Variants in RNF213 observed in about 807,000 individuals in gnomAD.
RNF213 encodes the protein E3 ubiquitin-protein ligase RNF213.
A neutral mutation model predicts 514.4 loss-of-function variants in RNF213; 341 were observed. That is an observed-to-expected ratio of 0.66 (90% CI 0.61 to 0.73). RNF213 has a LOEUF of 0.73. Ranked by LOEUF, RNF213 falls within the 30% of genes least tolerant of loss-of-function variation. The probability of loss-of-function intolerance (pLI) is 0.00; values close to 1 mark genes in which losing one functional copy is unlikely to be tolerated. For missense variants in RNF213, 5,767 were observed against 6,615.6 expected (o/e 0.87, Z 4.45); for synonymous variants, 2,655 against 2,658.2 (o/e 1.00, Z 0.04).
At chr17:80,384,276 G>A (rs1804070483) in intron 59 of RNF213, among the ~76,000 whole-genome samples, 1 of 152,168 alleles carries the variant, frequency 6.6e-6, no homozygotes, top group Admixed American at 6.5e-5. Flanking sequence ...CACAATGCTG[G>A]AGCATGGGCA....
intron 15 of RNF213, among the ~76,000 whole-genome samples, chr17:80,313,675 TGGAGG>T (rs2045667435): frequency 1.4e-5 from 2 of 145,498 alleles, no homozygotes; most frequent in African/African-American, 5.1e-5. Context: ...GTGGAGGTAA[TGGAGG>T]TGATGGTGGT....
chr17:80,359,912 A>G, intron 37 of RNF213, 149 bp from the exon 38 acceptor site: 1 of 743,860 alleles, frequency 1.3e-6, no homozygotes, highest in East Asian at 2.7e-5. Context: ...GAAACCCTGT[A>G]CTGTGAAACA....
chr17:80,352,505 C>T (rs2144215525), intron 32 of RNF213: 1 of 518,738 alleles, frequency 1.9e-6, no homozygotes, highest in South Asian at 3.2e-5. Context: ...AAGGAATGGT[C>T]ACCAGCTATT....
In RNF213 at chr17:80,372,619, C is replaced by G. The variant is rs1185789283; in HGVS notation, c.12636C>G (p.Ser4212Arg). The change falls in exon 48 of 68, where the codon AGC (serine) becomes AGG (arginine). Residue 4212 changes from serine (S) to arginine (R), a missense_variant. Around this residue, in one of 13 missense-constraint regions of RNF213, gnomAD observed 1,245 missense variants for 1,339.0 expected, o/e 0.93. Transcript: ENST00000582970. ...TCCTTAAGGCATATTCTCCAGCAAG[C>G]CGGGGCCGAGAGCCTGCCAACGAGG... ...GRFLKAYSPASRGREPANEAS... is the reference protein window; with the variant it reads ...GRFLKAYSPARRGREPANEAS... 2 of 1,614,060 alleles carry G rather than the reference C, an allele frequency of 1.2e-6. No individual in the cohort carries two copies.
intron 38 of RNF213, 54 bp from the exon 39 acceptor site, chr17:80,361,680 G>T: frequency 6.2e-7 from 1 of 1,604,456 alleles, no homozygotes; most frequent in Non-Finnish European, 8.5e-7. Flanking sequence ...TGGAGGCAGG[G>T]GAGCGCCATG....
intron 23 of RNF213, chr17:80,336,785 T>A: frequency 2.9e-6 from 1 of 342,458 alleles, no homozygotes; most frequent in South Asian, 2.3e-5. Flanking sequence ...GCGCCTGTAA[T>A]CCCAGCTACT....
At chr17:80,342,608 G>A (rs2078186346) in intron 26 of RNF213, among the ~76,000 whole-genome samples, 1 of 139,952 alleles carries the variant, frequency 7.1e-6, no homozygotes, top group South Asian at 2.3e-4. Flanking sequence ...ATATATATTC[G>A]ATACATATTC....
In RNF213 at chr17:80,334,017, G is replaced by C. The variant is rs1307955671; in HGVS notation, c.4144-88G>C. 3.4e-6 allele frequency: 5 copies of C among 1,467,356 alleles called. No homozygotes were observed. In the South Asian group the frequency reaches 3.7e-5, roughly 11 times the overall value. 90.9% of individuals were successfully genotyped at this position (1,467,356 alleles called of 1,614,324 possible). A position where few individuals can be genotyped will look rare whatever the true frequency, so the allele number is the denominator to read the frequency against. On this transcript the variant is annotated intron_variant, in intron 21 of 67. Transcript: ENST00000582970. ...AAATCTAGGCATTGAGGGAGGGTGG[G>C]GCTGCTGGGACGGTCAGTGCTTGCA...
At position 80,338,630 on chromosome 17, in the gene RNF213, GTT is replaced by G. The variant is rs1384308633; in HGVS notation, c.4834-561_4834-560del. Among the ~76,000 whole-genome samples the G allele has an allele frequency of 1.6e-4, 16 of 102,828 alleles. No individual in the cohort carries two copies. In the South Asian group the frequency reaches 4.6e-3, roughly 29 times the overall value. The allele number at this position is 102,828 out of a possible 152,430, so 67.5% of individuals were successfully genotyped here. On this transcript the variant is annotated intron_variant, in intron 25 of 67. Transcript: ENST00000582970. ...GAGACCCTGTCTCAAAAAGTATAAGGTTTTTTTTTTTCCCAATTAAAAAAAAA... is the reference window on the plus strand; with the variant it reads ...GAGACCCTGTCTCAAAAAGTATAAGGTTTTTTTTTCCCAATTAAAAAAAAA...
chr17:80,369,435 C>T, intron 44 of RNF213, 67 bp from the exon 45 acceptor site: 4 of 1,357,826 alleles, frequency 2.9e-6, no homozygotes, highest in African/African-American at 1.4e-5. Flanking sequence ...GTGCAAATCT[C>T]AAGTCATTCT....
In RNF213 at chr17:80,346,965, A is replaced by T; in HGVS notation, c.8630A>T (p.Lys2877Ile). 6.2e-7 allele frequency: 1 copy of T among 1,613,904 alleles called. No homozygotes were observed. The highest frequency in any genetic ancestry group is 8.5e-7 in the Non-Finnish European group (1 of 1,179,900). The change falls in exon 29 of 68, where the codon AAA (lysine) becomes ATA (isoleucine). Residue 2877 changes from lysine to isoleucine, a missense_variant. By Grantham distance (102) the Lys-to-Ile change is moderately radical. This residue lies in a region of RNF213 where 919 missense variants were observed against 1,121.0 expected (regional missense o/e 0.82). Transcript: ENST00000582970. The surrounding 1 kb of genome is among the most constrained non-coding windows in gnomAD (Gnocchi z 8.1). ...ATTGAAGACGATCCCGCCCCCCACA[A>T]AAAGGTCGGCTTCGTGGGCATCTCC... is the stretch of plus-strand genomic sequence containing the variant. ...GCIEDDPAPH[K>I]KVGFVGISNW...
intron 2 of RNF213, among the ~76,000 whole-genome samples, chr17:80,267,821 T>C (rs2043659022): frequency 1.4e-5 from 1 of 71,824 alleles, no homozygotes; most frequent in African/African-American, 1.2e-4. Flanking sequence ...CAGATTTTCT[T>C]TTCTTTTTTT....
chr17:80,287,238 G>A (rs2044504789), intron 3 of RNF213, among the ~76,000 whole-genome samples: 1 of 152,084 alleles, frequency 6.6e-6, no homozygotes, highest in African/African-American at 2.4e-5. Flanking sequence ...GTTCGCGCCT[G>A]TAATCCCAGG....
chr17:80,378,712 A>G (rs2079861567), intron 54 of RNF213, among the ~76,000 whole-genome samples: 1 of 152,158 alleles, frequency 6.6e-6, no homozygotes, highest in African/African-American at 2.4e-5. Flanking sequence ...TTCCTTGTCC[A>G]TGAAATGAGG....
intron 63 of RNF213, among the ~76,000 whole-genome samples, chr17:80,387,543 C>T (rs1205850634): frequency 6.6e-6 from 1 of 152,194 alleles, no homozygotes; most frequent in East Asian, 1.9e-4. Context: ...TGCCAAAGCC[C>T]ACCCTGTAGT....
At chr17:80,294,509 G>A (rs552489273) in intron 8 of RNF213, among the ~76,000 whole-genome samples, 2 of 152,318 alleles carry the variant, frequency 1.3e-5, no homozygotes, top group East Asian at 3.9e-4. Flanking sequence ...CGTCTAGGAT[G>A]TCTGTTTGCA....
At chr17:80,311,692 C>G (rs2045579599) in intron 14 of RNF213, among the ~76,000 whole-genome samples, 1 of 152,242 alleles carries the variant, frequency 6.6e-6, no homozygotes, top group Non-Finnish European at 1.5e-5. Context: ...CTCGGGCAGC[C>G]CCGCCCAGCA....
chr17:80,364,935 A>C (rs2079201515), intron 42 of RNF213: 1 of 313,300 alleles, frequency 3.2e-6, no homozygotes, highest in African/African-American at 2.2e-5. Flanking sequence ...CATGGAGACA[A>C]GGATGTCAGA....
rs1211055159 is a variant in RNF213, at chr17:80,358,355, G to A, written c.10930G>A (p.Asp3644Asn). Residue 3644 changes from aspartate (D) to asparagine (N), a missense_variant, in exon 37 of 68, where the codon GAC becomes AAC. Asp to Asn is a conservative substitution (Grantham distance 23). Coordinates refer to ENST00000582970, the MANE Select transcript of RNF213 (RefSeq NM_001256071.3). The stretch of plus-strand genomic sequence containing the variant: ...GCTGGCGAGCATGATATCATTCATC[G>A]ACAGAGACGGCAACCTAGAGTTACT... Reference protein sequence around the residue: ...PLLASMISFIDRDGNLELLTR... With the variant: ...PLLASMISFINRDGNLELLTR... 7 of 1,614,054 alleles carry A rather than the reference G, an allele frequency of 4.3e-6. No individual in the cohort carries two copies. Among genetic ancestry groups the A allele is most frequent in the Admixed American group, 3.3e-5 (2 of 60,002 alleles).
Sources: gnomAD v4.1 joint callset for allele counts (sites outside exome capture counted in the v4.1 genomes callset) on GRCh38, gnomAD v4.1.1 for gene constraint, gnomAD v4.1.1 regional missense constraint, Gnocchi (gnomAD v3.1) non-coding constraint, MANE v1.5 for transcripts, NCBI Gene and HGNC (gene_info 2026-07-23, HGNC 2026-07-21) for gene names.